CD200R1: variants seen among roughly 807,000 people sequenced by gnomAD.
The protein encoded by CD200R1 is CD200 receptor 1.
A neutral mutation model predicts 38.1 loss-of-function variants in CD200R1; 30 were observed. The observed-to-expected ratio is 0.79, with a 90% CI of 0.59 to 1.07. The LOEUF (loss-of-function observed/expected upper bound fraction) is 1.07, where lower values mean the gene tolerates loss of function less well. Ranked by LOEUF, CD200R1 falls within the 50% of genes least tolerant of loss-of-function variation. The probability of loss-of-function intolerance (pLI) is 0.00; values close to 1 mark genes in which losing one functional copy is unlikely to be tolerated. For synonymous variants in CD200R1, 128 were observed against 152.1 expected (o/e 0.84, Z 1.16); for missense variants, 372 against 415.4 (o/e 0.90, Z 0.91).
At chr3:112,936,807 A>T (rs1940594344) in intron 2 of CD200R1, among the ~76,000 whole-genome samples, 1 of 152,198 alleles carries the variant, frequency 6.6e-6, no homozygotes, top group Non-Finnish European at 1.5e-5. Flanking sequence ...TAGTTTAATC[A>T]GATCCCATTT....
At chr3:112,927,822 G>GA (rs1272682467) in intron 5 of CD200R1, among the ~76,000 whole-genome samples, 1 of 152,094 alleles carries the variant, frequency 6.6e-6, no homozygotes, top group African/African-American at 2.4e-5. Flanking sequence ...TTTGTCAATA[G>GA]GCTTAGTGAT....
At chr3:112,950,547 A>G (rs2107327183) in intron 1 of CD200R1, among the ~76,000 whole-genome samples, 1 of 152,354 alleles carries the variant, frequency 6.6e-6, no homozygotes, top group Middle Eastern at 3.4e-3. Context: ...ATAGTTATAA[A>G]CAACTAATAT....
At chr3:112,924,418 C>A in intron 7 of CD200R1, 72 bp downstream of exon 7, 1 of 1,148,808 alleles carries the variant, frequency 8.7e-7, no homozygotes, top group Non-Finnish European at 1.1e-6. Context: ...TTGATACAAA[C>A]TACAAATTAT....
At chr3:112,961,599 C>A (rs1481794747) in intron 1 of CD200R1, among the ~76,000 whole-genome samples, 2 of 151,750 alleles carry the variant, frequency 1.3e-5, no homozygotes, top group Non-Finnish European at 2.9e-5. Flanking sequence ...ATTAAGAAAT[C>A]TTTCTAATCC....
rs1940186152 is a variant in CD200R1, at chr3:112,922,330, T to C, written c.*1347A>G. The C allele has an allele frequency of 1.3e-5, 2 of 152,016 alleles. No individual in the cohort carries two copies. Among genetic ancestry groups the C allele is most frequent in the Non-Finnish European group, 2.9e-5 (2 of 67,932 alleles). The allele number at this position is 152,016 out of a possible 1,614,324, so 9.4% of individuals were successfully genotyped here. A position where few individuals can be genotyped will look rare whatever the true frequency, so the allele number is the denominator to read the frequency against. ...ATAGACTTATGTTTTTAATTAAAAA[T>C]AATTTCATGATATTAACAATGATTT... On this transcript the variant is annotated 3_prime_UTR_variant, in exon 8 of 8. Transcript: ENST00000308611.
chr3:112,942,161 C>G (rs1336630728), intron 2 of CD200R1, among the ~76,000 whole-genome samples: 1 of 151,560 alleles, frequency 6.6e-6, no homozygotes, highest in East Asian at 1.9e-4. Flanking sequence ...CACTGGAAAA[C>G]AAACAAGTGA....
chr3:112,934,030 GAGAAAAGAA>G (rs1295252035), intron 2 of CD200R1, among the ~76,000 whole-genome samples: 2 of 152,036 alleles, frequency 1.3e-5, no homozygotes, highest in East Asian at 3.9e-4. Context: ...ATTCTGGAAG[GAGAAAAGAA>G]AGAAAAAGGC....
intron 2 of CD200R1, among the ~76,000 whole-genome samples, chr3:112,945,805 G>A (rs35994948): frequency 0.36 from 54,536 of 151,936 alleles, 9,961 homozygotes; most frequent in Admixed American, 0.43. Context: ...CGAGGCGGGC[G>A]GATCACGAGG....
intron 1 of CD200R1, among the ~76,000 whole-genome samples, chr3:112,960,264 A>G (rs1054605557): frequency 3.9e-5 from 6 of 152,066 alleles, no homozygotes; most frequent in African/African-American, 1.2e-4. Flanking sequence ...AATGTTTGCC[A>G]TTGTAACAAT....
rs1933403066 is a variant in CD200R1 at position 112,974,834 on chromosome 3, A to G, written c.24T>C (p.Ala8=). Residue 8 remains alanine, a synonymous_variant, in exon 1 of 8, where the codon GCT becomes GCC. Coordinates refer to ENST00000308611, the MANE Select transcript of CD200R1 (RefSeq NM_138806.4). MLCPWRT[A]NLGLLLILTI... ...TCAAAATCAACAGTAGCCCTAGGTT[A>G]GCAGTTCTCCAAGGGCAGAGCATTT... 3 of 1,613,618 alleles carry G rather than the reference A, an allele frequency of 1.9e-6. No individual in the cohort carries two copies.
intron 7 of CD200R1, 30 bp downstream of exon 7, chr3:112,924,460 T>C: frequency 7.7e-7 from 1 of 1,297,160 alleles, no homozygotes; most frequent in Non-Finnish European, 1.0e-6. Context: ...TGGCTTAAGT[T>C]TGCAATTAGT....
At chr3:112,932,499 C>G (rs60983369) in intron 2 of CD200R1, among the ~76,000 whole-genome samples, 4,309 of 152,090 alleles carry the variant, frequency 0.028, 190 homozygotes, top group East Asian at 0.21. Flanking sequence ...GCCTGGGAAA[C>G]AGTCCTGTGC....
At chr3:112,936,410 A>T (rs79353064) in intron 2 of CD200R1, among the ~76,000 whole-genome samples, 1 of 151,954 alleles carries the variant, frequency 6.6e-6, no homozygotes, top group Non-Finnish European at 1.5e-5. Context: ...ACTAATTTAC[A>T]CTCCCACCAA....
At chr3:112,969,387 C>T (rs1933245267) in intron 1 of CD200R1, among the ~76,000 whole-genome samples, 2 of 152,096 alleles carry the variant, frequency 1.3e-5, no homozygotes, top group Admixed American at 1.3e-4. Context: ...AGAAATTATT[C>T]AGGATGAAAG....
chr3:112,927,656 G>A (rs1005756932), intron 5 of CD200R1, among the ~76,000 whole-genome samples: 13 of 152,104 alleles, frequency 8.5e-5, no homozygotes, highest in Admixed American at 5.2e-4. Context: ...GAGTGTCCAG[G>A]ACAATAGCTG....
intron 2 of CD200R1, among the ~76,000 whole-genome samples, chr3:112,939,852 G>GCAAAAAACAAACAAACAAA (rs1302449664): frequency 4.9e-4 from 55 of 112,370 alleles, no homozygotes; most frequent in Admixed American, 5.1e-4. Flanking sequence ...CCCATACTGA[G>GCAAAAAACAAACAAACAAA]CAAAAAACAA....
rs193209670 is a variant in CD200R1 at position 112,939,970 on chromosome 3, G to A, written c.136+7886C>T. Among the ~76,000 whole-genome samples, 323 of 150,666 alleles carry A rather than the reference G, an allele frequency of 2.1e-3. 2 individuals are homozygous for A. Among genetic ancestry groups the A allele is most frequent in the African/African-American group, 7.5e-3 (306 of 41,072 alleles). On this transcript the variant is annotated intron_variant, in intron 2 of 7. Coordinates refer to ENST00000308611, the MANE Select transcript of CD200R1 (RefSeq NM_138806.4). The stretch of plus-strand genomic sequence containing the variant: ...ACAGCATGGTACTGGCATAAAAACC[G>A]ACACATAGAAAAATGGAACAGCATA...
chr3:112,929,522 A>T lies in CD200R1; in HGVS notation c.203-15T>A. The T allele has an allele frequency of 6.3e-7, 1 of 1,584,298 alleles. No homozygotes were observed. Among genetic ancestry groups the T allele is most frequent in the Non-Finnish European group, 8.6e-7 (1 of 1,167,902 alleles). On this transcript the variant is annotated splice_polypyrimidine_tract_variant and intron_variant, in intron 3 of 7. Transcript: ENST00000308611. The stretch of plus-strand genomic sequence containing the variant: ...TGAAGTGTTAACTGGACATGAAAAG[A>T]GAATGATAAAAGAAAAGCTTGATAA...
chr3:112,960,034 T>C (rs1189669331), intron 1 of CD200R1, among the ~76,000 whole-genome samples: 2 of 152,092 alleles, frequency 1.3e-5, no homozygotes, highest in Non-Finnish European at 2.9e-5. Flanking sequence ...AAGCCCACTG[T>C]AATTACACAG....
Sources: gnomAD v4.1 joint callset for allele counts (sites outside exome capture counted in the v4.1 genomes callset) on GRCh38, gnomAD v4.1.1 for gene constraint, MANE v1.5 for transcripts, NCBI Gene and HGNC (gene_info 2026-07-23, HGNC 2026-07-21) for gene names.